RYR3: variants seen among roughly 807,000 people sequenced by gnomAD.
The protein encoded by RYR3 is brain ryanodine receptor-calcium release channel.
Under a neutral mutation model 584.3 loss-of-function variants are expected in RYR3, and 207 were observed. The ratio of observed to expected loss-of-function variants is 0.35; its 90% CI spans 0.32 to 0.40. RYR3 has a LOEUF of 0.40. Ranked by LOEUF, RYR3 falls within the 10% of genes least tolerant of loss-of-function variation. The probability of loss-of-function intolerance (pLI) is 1.00; values close to 1 mark genes in which losing one functional copy is unlikely to be tolerated. For synonymous variants in RYR3, 2,416 were observed against 2,248.5 expected (o/e 1.07, Z -2.11); for missense variants, 5,616 against 6,089.2 (o/e 0.92, Z 2.59).
intron 11 of RYR3, among the ~76,000 whole-genome samples, chr15:33,563,547 G>A (rs946222770): frequency 2.0e-4 from 31 of 152,298 alleles, no homozygotes; most frequent in African/African-American, 7.5e-4. Context: ...GGTGCATGCA[G>A]CATCTATTTA....
rs1410144367 is a variant in RYR3, at chr15:33,644,295, T to C, written c.3557-16T>C. On this transcript the variant is annotated splice_polypyrimidine_tract_variant and intron_variant, in intron 27 of 103. Coordinates refer to ENST00000634891, the MANE Select transcript of RYR3 (RefSeq NM_001036.6). The stretch of plus-strand genomic sequence containing the variant: ...GTGCCTTCGGGCTAAAGCAGGTCTC[T>C]CTAACTCTTCTGCAGGCTTCGTGCC... 15 of 1,598,628 alleles carry C rather than the reference T, an allele frequency of 9.4e-6. No individual in the cohort carries two copies. Among genetic ancestry groups the C allele is most frequent in the Non-Finnish European group, 1.1e-5 (13 of 1,172,118 alleles).
chr15:33,572,758 T>C (rs2152500537), intron 12 of RYR3, among the ~76,000 whole-genome samples: 1 of 151,260 alleles, frequency 6.6e-6, no homozygotes, highest in African/African-American at 2.4e-5. Flanking sequence ...GCGAATCACC[T>C]GAGGTCGGGG....
chr15:33,647,517 A>G (rs2062170503), intron 30 of RYR3, 57 bp downstream of exon 30: 1 of 1,255,340 alleles, frequency 8.0e-7, no homozygotes, highest in South Asian at 1.2e-5. Flanking sequence ...TGTGCCTGGT[A>G]ATATGCCCCT....
intron 1 of RYR3, among the ~76,000 whole-genome samples, chr15:33,413,870 G>C (rs1395445197): frequency 1.3e-5 from 2 of 152,042 alleles, no homozygotes; most frequent in East Asian, 1.9e-4. Context: ...TAATAACTTA[G>C]AGTATTGTCA....
chr15:33,458,744 A>G (rs939700453), intron 1 of RYR3, among the ~76,000 whole-genome samples: 32 of 152,178 alleles, frequency 2.1e-4, no homozygotes, highest in African/African-American at 7.2e-4. Context: ...AGTATTATAA[A>G]GGCCTTGAGA....
intron 1 of RYR3, among the ~76,000 whole-genome samples, chr15:33,401,451 C>A (rs1398765150): frequency 6.6e-6 from 1 of 151,418 alleles, no homozygotes; most frequent in Non-Finnish European, 1.5e-5. Context: ...CCAAATCTTA[C>A]ATTCAGCATT....
intron 1 of RYR3, among the ~76,000 whole-genome samples, chr15:33,358,655 TAA>T (rs35316835): frequency 0.059 from 7,999 of 135,656 alleles, 362 homozygotes; most frequent in African/African-American, 0.13. Flanking sequence ...GTGGTATCGT[TAA>T]AAAAAAAAAA....
chr15:33,434,223 G>A (rs2045460869), intron 1 of RYR3, among the ~76,000 whole-genome samples: 1 of 152,114 alleles, frequency 6.6e-6, no homozygotes, highest in African/African-American at 2.4e-5. Context: ...TGTATTTTCA[G>A]TAAAAATATT....
intron 10 of RYR3, among the ~76,000 whole-genome samples, chr15:33,560,703 T>C (rs1230800431): frequency 3.5e-4 from 53 of 152,202 alleles, no homozygotes; most frequent in Admixed American, 3.3e-3. Context: ...TCTCTAGAGC[T>C]ATGAATATTT....
At chr15:33,748,022 C>A in intron 53 of RYR3, 92 bp from the exon 54 acceptor site, 3 of 1,231,008 alleles carry the variant, frequency 2.4e-6, no homozygotes, top group South Asian at 1.3e-5. Context: ...AGCACCCCCA[C>A]CCACAGTGGG....
intron 70 of RYR3, among the ~76,000 whole-genome samples, chr15:33,808,412 C>T (rs748162143): frequency 3.3e-5 from 5 of 152,160 alleles, no homozygotes; most frequent in Non-Finnish European, 7.3e-5. Flanking sequence ...ATTAGAAGGA[C>T]ATGAGATTGG....
At chr15:33,864,834 T>TCAGCTTATTGCTAAATCTTTA (rs1436745363) in intron 103 of RYR3, 5 of 310,224 alleles carry the variant, frequency 1.6e-5, no homozygotes, top group Non-Finnish European at 3.0e-5. Context: ...CGGCATGGAA[T>TCAGCTTATTGCTAAATCTTTA]CAGCTTATTG....
intron 2 of RYR3, among the ~76,000 whole-genome samples, chr15:33,499,506 A>T (rs1409591870): frequency 1.3e-5 from 2 of 152,212 alleles, no homozygotes; most frequent in Admixed American, 6.5e-5. Context: ...CCTTATTTTT[A>T]TACAAATAAG....
intron 52 of RYR3, among the ~76,000 whole-genome samples, chr15:33,744,722 C>T (rs917360061): frequency 2.6e-5 from 4 of 152,156 alleles, no homozygotes; most frequent in African/African-American, 9.7e-5. Context: ...CCCAGGGAGG[C>T]AAGAGACAGT....
At chr15:33,362,002 G>T (rs981360940) in intron 1 of RYR3, among the ~76,000 whole-genome samples, 2 of 152,196 alleles carry the variant, frequency 1.3e-5, no homozygotes, top group Non-Finnish European at 2.9e-5. Flanking sequence ...GGCCGGCTAA[G>T]TTGCCGCATT....
chr15:33,591,133 A>G (rs1191018617), intron 16 of RYR3, among the ~76,000 whole-genome samples: 2 of 152,264 alleles, frequency 1.3e-5, no homozygotes, highest in East Asian at 3.9e-4. Flanking sequence ...CTCACTTCCT[A>G]CTTTTCCAGG....
At chr15:33,810,908 A>G (rs2076497291) in intron 71 of RYR3, 70 bp from the exon 72 acceptor site, 2 of 1,318,942 alleles carry the variant, frequency 1.5e-6, no homozygotes, top group Admixed American at 1.9e-5. Flanking sequence ...GACTCTCCAT[A>G]CATCCCCATA....
intron 1 of RYR3, among the ~76,000 whole-genome samples, chr15:33,354,991 C>A: frequency 6.6e-6 from 1 of 152,066 alleles, no homozygotes; most frequent in African/African-American, 2.4e-5. Context: ...TGAGACCAGC[C>A]TGGCCAACAT....
At chr15:33,364,462 C>T (rs554769309) in intron 1 of RYR3, among the ~76,000 whole-genome samples, 2 of 152,352 alleles carry the variant, frequency 1.3e-5, no homozygotes, top group South Asian at 2.1e-4. Flanking sequence ...CTTTCCTCTA[C>T]ATCTTCATTT....
Sources: gnomAD v4.1 joint callset for allele counts (sites outside exome capture counted in the v4.1 genomes callset) on GRCh38, gnomAD v4.1.1 for gene constraint, MANE v1.5 for transcripts, NCBI Gene and HGNC (gene_info 2026-07-23, HGNC 2026-07-21) for gene names.